The following SYN3 variants were observed in gnomAD, a reference collection of about 807,000 sequenced individuals.
SYN3 encodes the protein synapsin-3.
Under a neutral mutation model 65.8 loss-of-function variants are expected in SYN3, and 35 were observed. That is an observed-to-expected ratio of 0.53 (90% CI 0.41 to 0.70). The LOEUF (loss-of-function observed/expected upper bound fraction) is 0.70, where lower values mean the gene tolerates loss of function less well. SYN3 is among the 30% of genes least tolerant of loss of function. The pLI is 0.00. For synonymous variants in SYN3, 270 were observed against 292.9 expected, an observed-to-expected ratio of 0.92 and a Z score of 0.80; for missense variants, 680 against 749.0, an observed-to-expected ratio of 0.91 and a Z score of 1.08.
At chr22:32,802,262 G>A (rs1055221802) in intron 6 of SYN3, 8 of 1,306,726 alleles carry the variant, frequency 6.1e-6, no homozygotes, top group Admixed American at 5.2e-5. Flanking sequence ...GGAGAAACTC[G>A]ATGTCCTTGG....
intron 3 of SYN3, among the ~76,000 whole-genome samples, chr22:32,962,934 ACT>A (rs1289825303): frequency 6.6e-6 from 1 of 150,770 alleles, no homozygotes; most frequent in Non-Finnish European, 1.5e-5. Flanking sequence ...GATAATAATG[ACT>A]CTTAAACAAT....
At chr22:32,869,330 T>TTCTCTCCCTCTCTC (rs2048776900) in intron 4 of SYN3, among the ~76,000 whole-genome samples, 1 of 120,932 alleles carries the variant, frequency 8.3e-6, no homozygotes, top group Admixed American at 8.9e-5. Flanking sequence ...ACTATATATA[T>TTCTCTCCCTCTCTC]TCTCTCTCTC....
intron 7 of SYN3, among the ~76,000 whole-genome samples, chr22:32,560,190 A>G (rs984471077): frequency 9.9e-5 from 15 of 152,222 alleles, no homozygotes; most frequent in African/African-American, 3.6e-4. Flanking sequence ...TGATCTCTCA[A>G]GTTGCCCGAC....
At chr22:32,683,364 G>T (rs1401101634) in intron 6 of SYN3, among the ~76,000 whole-genome samples, 2 of 152,000 alleles carry the variant, frequency 1.3e-5, no homozygotes, top group Admixed American at 1.3e-4. Context: ...TCCTCTCTAG[G>T]CTTCCATGGC....
chr22:32,683,303 T>C (rs1198078556), intron 6 of SYN3, among the ~76,000 whole-genome samples: 1 of 152,108 alleles, frequency 6.6e-6, no homozygotes, highest in Non-Finnish European at 1.5e-5. Flanking sequence ...GCCTTCCCCC[T>C]TCCTGGGGTA....
chr22:32,517,427 G>T (rs941699488), intron 13 of SYN3, among the ~76,000 whole-genome samples: 1 of 152,176 alleles, frequency 6.6e-6, no homozygotes, highest in Admixed American at 6.5e-5. Context: ...GGACCATCCA[G>T]CCTCAGTGAA....
intron 6 of SYN3, among the ~76,000 whole-genome samples, chr22:32,649,822 C>G (rs1013538812): frequency 6.6e-6 from 1 of 152,160 alleles, no homozygotes; most frequent in Non-Finnish European, 1.5e-5. Context: ...CATTAGTAGA[C>G]AGGGCTGGGC....
intron 6 of SYN3, among the ~76,000 whole-genome samples, chr22:32,739,292 A>AT (rs1490490371): frequency 6.6e-6 from 1 of 151,568 alleles, no homozygotes; most frequent in Non-Finnish European, 1.5e-5. Context: ...CTTGTCTGCC[A>AT]CCATGTAAGA....
At chr22:32,543,994 T>G (rs1163417225) in intron 7 of SYN3, among the ~76,000 whole-genome samples, 1 of 152,182 alleles carries the variant, frequency 6.6e-6, no homozygotes, top group Non-Finnish European at 1.5e-5. Context: ...AGCTGAGTGC[T>G]GTGGCATGAT....
Position 33,026,984 on chromosome 22 carries a change from C to T in SYN3, c.-162-20160G>A, listed in dbSNP as rs543455071. Reference sequence around the variant, plus strand: ...CTTCTTTATTTTCTTTCCTTCTTCCCTCCTGCCTCCCTTCTTTATTTTCCT... The same window carrying T: ...CTTCTTTATTTTCTTTCCTTCTTCCTTCCTGCCTCCCTTCTTTATTTTCCT... On this transcript the variant is annotated intron_variant, in intron 1 of 13. Coordinates refer to ENST00000358763, the MANE Select transcript of SYN3 (RefSeq NM_003490.4). 1.4e-4 allele frequency among the ~76,000 whole-genome samples: 22 copies of T among 152,238 alleles called. No homozygotes were observed. The South Asian group carries it at 4.6e-3, about 32-fold the overall frequency.
At chr22:32,979,402 T>C (rs2052306670) in intron 3 of SYN3, among the ~76,000 whole-genome samples, 1 of 152,112 alleles carries the variant, frequency 6.6e-6, no homozygotes, top group African/African-American at 2.4e-5. Flanking sequence ...AGACATTGGG[T>C]TGACTTGAAA....
intron 6 of SYN3, among the ~76,000 whole-genome samples, chr22:32,774,953 C>T (rs941011228): frequency 1.3e-5 from 2 of 152,210 alleles, no homozygotes; most frequent in African/African-American, 4.8e-5. Context: ...CTCCGTGGAG[C>T]TGAGGCAGAT....
At chr22:32,855,348 AAG>A (rs1284386330) in intron 6 of SYN3, among the ~76,000 whole-genome samples, 2 of 152,202 alleles carry the variant, frequency 1.3e-5, no homozygotes, top group African/African-American at 4.8e-5. Flanking sequence ...TGTGCCTCTG[AAG>A]GAGGCACAGT....
intron 4 of SYN3, among the ~76,000 whole-genome samples, chr22:32,909,029 C>A (rs749483501): frequency 3.9e-5 from 6 of 152,338 alleles, no homozygotes; most frequent in Non-Finnish European, 5.9e-5. Context: ...CAATATGATA[C>A]ACTGAGGTTC....
chr22:32,956,312 C>A lies in SYN3; in HGVS notation c.369+24333G>T, dbSNP rs537604807. On this transcript the variant is annotated intron_variant, in intron 3 of 13. Coordinates refer to ENST00000358763, the MANE Select transcript of SYN3 (RefSeq NM_003490.4). The stretch of plus-strand genomic sequence containing the variant: ...CTAGGATTACAGGTGCCCACCACCA[C>A]GCCCAGCTAATTTTTGTATTTTTAG... Among the ~76,000 whole-genome samples, 10 of 151,924 alleles carry A rather than the reference C, an allele frequency of 6.6e-5. No individual in the cohort carries two copies. The East Asian group carries it at 1.4e-3, about 21-fold the overall frequency.
At chr22:32,895,600 A>C (rs1349357470) in intron 4 of SYN3, among the ~76,000 whole-genome samples, 3 of 152,212 alleles carry the variant, frequency 2.0e-5, no homozygotes, top group Non-Finnish European at 2.9e-5. Flanking sequence ...GACTCTTGCT[A>C]TGTGAGAAAA....
chr22:32,743,482 A>G (rs2044835466), intron 6 of SYN3, among the ~76,000 whole-genome samples: 1 of 152,200 alleles, frequency 6.6e-6, no homozygotes, highest in African/African-American at 2.4e-5. Context: ...AGGGAGCATT[A>G]GGGAGAGAGA....
At chr22:32,541,765 C>A (rs2058259864) in intron 7 of SYN3, 52 bp from the exon 8 acceptor site, 1 of 1,582,174 alleles carries the variant, frequency 6.3e-7, no homozygotes, top group Non-Finnish European at 8.6e-7. Context: ...GTTCACTGAG[C>A]CCACCCTATG....
chr22:32,802,115 C>T (rs1298714159), intron 6 of SYN3: 1 of 1,582,700 alleles, frequency 6.3e-7, no homozygotes, highest in Admixed American at 1.8e-5. Flanking sequence ...TCTGCAACTC[C>T]GACATCGGTA....
Sources: allele counts gnomAD v4.1 joint callset (sites outside exome capture counted in the v4.1 genomes callset), GRCh38; gene constraint gnomAD v4.1.1; transcripts MANE v1.5; gene names NCBI Gene and HGNC (gene_info 2026-07-23, HGNC 2026-07-21).